Variants in EXOC6 observed in about 807,000 individuals in gnomAD.
The protein encoded by EXOC6 is exocyst complex component 6.
In EXOC6, 60 loss-of-function variants were observed where a neutral mutation model predicts 112.5. The ratio of observed to expected loss-of-function variants is 0.53; its 90% CI spans 0.43 to 0.66. The LOEUF (loss-of-function observed/expected upper bound fraction) is 0.66, where lower values mean the gene tolerates loss of function less well. Among genes scored for constraint, EXOC6 ranks in the 30% least tolerant of loss-of-function variants. The pLI, the probability that EXOC6 is intolerant of heterozygous loss-of-function variation, is 0.00. For missense variants in EXOC6, 855 were observed against 957.1 expected (o/e 0.89, Z 1.41); for synonymous variants, 295 against 308.0 (o/e 0.96, Z 0.44).
chr10:92,972,350 A>G (rs1405755652), intron 17 of EXOC6, among the ~76,000 whole-genome samples: 1 of 152,198 alleles, frequency 6.6e-6, no homozygotes, highest in Non-Finnish European at 1.5e-5. Flanking sequence ...ATTGCAAAAC[A>G]AAAAAGTACA....
Position 92,955,652 on chromosome 10 carries a change from A to G in EXOC6, c.1711A>G (p.Ile571Val), listed in dbSNP as rs779187908. ...CKYLEDFITNITNISQETVHT... is the reference protein window; with the variant it reads ...CKYLEDFITNVTNISQETVHT... Reference sequence around the variant, plus strand: ...ATATCTTGAGGACTTTATAACTAACATTACAAATATTTCCCAAGAAACTGT... The same window carrying G: ...ATATCTTGAGGACTTTATAACTAACGTTACAAATATTTCCCAAGAAACTGT... The change falls in exon 17 of 22, where the codon ATT becomes GTT. Residue 571 changes from isoleucine (I) to valine (V), a missense_variant. By Grantham distance (29) the Ile-to-Val change is conservative. Transcript: ENST00000260762. The G allele has an allele frequency of 2.5e-6, 4 of 1,610,540 alleles. 1 individual carries two copies. The highest frequency in any genetic ancestry group is 3.4e-6 in the Non-Finnish European group (4 of 1,177,166).
At chr10:92,869,544 A>G (rs568039157) in intron 1 of EXOC6, among the ~76,000 whole-genome samples, 181 of 152,220 alleles carry the variant, frequency 1.2e-3, no homozygotes, top group African/African-American at 4.2e-3. Flanking sequence ...TCCTCACCTC[A>G]AGTGATCCTC....
chr10:92,968,892 G>GT (rs1165698079), intron 17 of EXOC6, among the ~76,000 whole-genome samples: 1 of 151,938 alleles, frequency 6.6e-6, no homozygotes, highest in African/African-American at 2.4e-5. Context: ...AAACCGTTTT[G>GT]TTTTTTTCTA....
chr10:92,968,465 C>G (rs1049868860), intron 17 of EXOC6, among the ~76,000 whole-genome samples: 1 of 152,116 alleles, frequency 6.6e-6, no homozygotes, highest in Admixed American at 6.6e-5. Flanking sequence ...GGATTATAGG[C>G]ATAAACCACT....
At chr10:92,858,032 C>CCCCA (rs894584193) in intron 1 of EXOC6, among the ~76,000 whole-genome samples, 1 of 142,838 alleles carries the variant, frequency 7.0e-6, no homozygotes, top group Non-Finnish European at 1.5e-5. Flanking sequence ...TCCCCCCCTC[C>CCCCA]GCCGGCCAGC....
chr10:92,904,352 G>C (rs1323098813), intron 5 of EXOC6, among the ~76,000 whole-genome samples: 1 of 152,048 alleles, frequency 6.6e-6, no homozygotes, highest in Non-Finnish European at 1.5e-5. Context: ...GTAAGACTAT[G>C]TTTAGTTTTG....
In EXOC6 at chr10:92,969,976, G is replaced by T. The variant is rs190449829; in HGVS notation, c.1774-4077G>T. Among the ~76,000 whole-genome samples, 527 of 152,290 alleles carry T rather than the reference G, an allele frequency of 3.5e-3. 1 individual carries two copies. The highest frequency in any genetic ancestry group is 0.012 in the African/African-American group (509 of 41,566). ...CCCAAAGAGCTGGGATTACAGATGT[G>T]AGCCACCGCACCTGGTCGACTATTG... On this transcript the variant is annotated intron_variant, in intron 17 of 21. Coordinates refer to ENST00000260762, the MANE Select transcript of EXOC6 (RefSeq NM_019053.6).
At chr10:92,996,428 T>C (rs1047382584) in intron 18 of EXOC6, among the ~76,000 whole-genome samples, 36 of 152,094 alleles carry the variant, frequency 2.4e-4, no homozygotes, top group Non-Finnish European at 4.3e-4. Flanking sequence ...CCATCCTGGC[T>C]AACATGGTGA....
rs117695573 is a variant in EXOC6, at chr10:93,002,784, T to C, written c.2095+5169T>C. Among the ~76,000 whole-genome samples the C allele has an allele frequency of 1.9e-3, 291 of 152,300 alleles. 9 individuals are homozygous for C. The East Asian group carries it at 0.044, about 23-fold the overall frequency. ...TAACAGCAATTGAATTTTCCTTATC[T>C]ACCAGTCTAATTACCCTTTCAAATA... On this transcript the variant is annotated intron_variant, in intron 19 of 21. Transcript: ENST00000260762.
intron 18 of EXOC6, among the ~76,000 whole-genome samples, chr10:92,989,114 T>A (rs1158351361): frequency 1.3e-5 from 2 of 152,198 alleles, no homozygotes; most frequent in Admixed American, 1.3e-4. Flanking sequence ...AACTTACACC[T>A]CTTATGTCAG....
chr10:93,013,215 T>TA (rs1590040207), intron 19 of EXOC6, among the ~76,000 whole-genome samples: 1 of 152,154 alleles, frequency 6.6e-6, no homozygotes, highest in South Asian at 2.1e-4. Flanking sequence ...TTAGTAGTAT[T>TA]AAAAATTTTA....
At chr10:93,010,854 T>C (rs1844206376) in intron 19 of EXOC6, among the ~76,000 whole-genome samples, 1 of 152,142 alleles carries the variant, frequency 6.6e-6, no homozygotes, top group Non-Finnish European at 1.5e-5. Flanking sequence ...ATTGTGATGC[T>C]CAGAGCAGAT....
intron 9 of EXOC6, among the ~76,000 whole-genome samples, 171 bp downstream of exon 9, chr10:92,928,593 A>G (rs897521726): frequency 2.6e-5 from 4 of 152,078 alleles, no homozygotes; most frequent in East Asian, 1.9e-4. Context: ...AACCAAATAG[A>G]TAAGTCCCTT....
At chr10:93,033,251 T>G (rs1746567103) in intron 20 of EXOC6, among the ~76,000 whole-genome samples, 1 of 152,172 alleles carries the variant, frequency 6.6e-6, no homozygotes. Context: ...TAGATGATTG[T>G]TTTGGTAGTC....
chr10:93,007,976 C>T (rs1297755010), intron 19 of EXOC6, among the ~76,000 whole-genome samples: 1 of 152,198 alleles, frequency 6.6e-6, no homozygotes, highest in Admixed American at 6.5e-5. Flanking sequence ...GAGTTTGAGA[C>T]TAGCCTGGGC....
At chr10:92,934,544 T>A in intron 11 of EXOC6, 114 bp downstream of exon 11, 1 of 882,684 alleles carries the variant, frequency 1.1e-6, no homozygotes, top group East Asian at 3.0e-5. Flanking sequence ...TTTTTAGTAG[T>A]TGCTTAGATT....
chr10:92,993,552 T>C (rs997691349), intron 18 of EXOC6, among the ~76,000 whole-genome samples: 9 of 152,194 alleles, frequency 5.9e-5, no homozygotes, highest in African/African-American at 2.2e-4. Context: ...AAATTAGTTT[T>C]TAAGTGTTCT....
chr10:92,846,989 T>C (rs916599173), upstream of EXOC6, among the ~76,000 whole-genome samples: 4 of 152,110 alleles, frequency 2.6e-5, no homozygotes, highest in Admixed American at 6.5e-5. Flanking sequence ...GCTTTGAAGA[T>C]GGAGGAAGGG....
At chr10:92,899,495 G>T in intron 4 of EXOC6, 104 bp from the exon 5 acceptor site, 1 of 719,216 alleles carries the variant, frequency 1.4e-6, no homozygotes, top group East Asian at 2.7e-5. Context: ...AGTTGTAGAA[G>T]TCTAATGAAT....
Sources: gnomAD v4.1 joint callset for allele counts (sites outside exome capture counted in the v4.1 genomes callset) on GRCh38, gnomAD v4.1.1 for gene constraint, MANE v1.5 for transcripts, NCBI Gene and HGNC (gene_info 2026-07-23, HGNC 2026-07-21) for gene names.